PTPRU: variants seen among roughly 807,000 people sequenced by gnomAD.
PTPRU encodes the protein receptor-type tyrosine-protein phosphatase U.
Under a neutral mutation model 166.3 loss-of-function variants are expected in PTPRU, and 69 were observed. The ratio of observed to expected loss-of-function variants is 0.41; its 90% CI spans 0.34 to 0.51. PTPRU has a LOEUF of 0.51. Ranked by LOEUF, PTPRU falls within the 20% of genes least tolerant of loss-of-function variation. The probability of loss-of-function intolerance (pLI) is 0.09; values close to 1 mark genes in which losing one functional copy is unlikely to be tolerated. For synonymous variants in PTPRU, 793 were observed against 814.0 expected (o/e 0.97, Z 0.44); for missense variants, 1,657 against 2,013.7 (o/e 0.82, Z 3.39).
chr1:29,259,603 G>GT, intron 5 of PTPRU, 39 bp downstream of exon 5: 1 of 1,292,124 alleles, frequency 7.7e-7, no homozygotes, highest in Non-Finnish European at 1.1e-6. Flanking sequence ...GGCGGGGTGG[G>GT]AGGGGGTTGG....
Position 29,315,967 on chromosome 1 carries a change from C to T in PTPRU, c.3364-35C>T, listed in dbSNP as rs749371140. 3.7e-6 allele frequency: 6 copies of T among 1,610,318 alleles called. No homozygotes were observed. The highest frequency in any genetic ancestry group is 4.2e-6 in the Non-Finnish European group (5 of 1,177,684). On this transcript the variant is annotated intron_variant, in intron 23 of 29. Transcript: ENST00000373779. This position sits in a 1 kb window ranked among gnomAD's most constrained non-coding sequence, Gnocchi z 4.5. ...TCACCACAGATCTCCAGCTTCTAGG[C>T]CCCTCCTCGGCCTCATTCTCATCTC...
chr1:29,241,931 A>C (rs1387846113), intron 1 of PTPRU, among the ~76,000 whole-genome samples: 7 of 150,008 alleles, frequency 4.7e-5, no homozygotes, highest in African/African-American at 1.7e-4. Context: ...TCGCTTTGTC[A>C]CCCAGGCTGG....
chr1:29,284,468 T>C (rs2151954713), intron 13 of PTPRU, among the ~76,000 whole-genome samples: 1 of 152,258 alleles, frequency 6.6e-6, no homozygotes, highest in African/African-American at 2.4e-5. Flanking sequence ...CCCTATCCAC[T>C]GAGAGCTGGG....
rs1688408472 is a variant in PTPRU, at chr1:29,326,336, C to T, written c.*675C>T. On this transcript the variant is annotated 3_prime_UTR_variant, in exon 30 of 30. Coordinates refer to ENST00000373779, the MANE Select transcript of PTPRU (RefSeq NM_133178.4). ...CTGAACCAGGATCTGCCTATTACTG[C>T]TGTGCCCCATGGGGGGCTCCTTCCC... 1.3e-5 allele frequency: 2 copies of T among 156,200 alleles called. No individual in the cohort carries two copies. Among genetic ancestry groups the T allele is most frequent in the African/African-American group, 2.4e-5 (1 of 41,624 alleles). The allele number at this position is 156,200 out of a possible 1,614,324, so 9.7% of individuals were successfully genotyped here.
chr1:29,315,221 T>C lies in PTPRU; in HGVS notation c.3228-151T>C. 1 of 924,766 alleles carries C rather than the reference T, an allele frequency of 1.1e-6. No individual in the cohort carries two copies. The highest frequency in any genetic ancestry group is 2.4e-5 in the Admixed American group (1 of 42,480). 57.3% of individuals were successfully genotyped at this position (924,766 alleles called of 1,614,324 possible). A position where few individuals can be genotyped will look rare whatever the true frequency, so the allele number is the denominator to read the frequency against. ...GAGCTCTTCCATCCAGCAGCCTGCG[T>C]CCTGGCTCCTTACTCGGGGAGGGGC... On this transcript the variant is annotated intron_variant, in intron 22 of 29. Coordinates refer to ENST00000373779, the MANE Select transcript of PTPRU (RefSeq NM_133178.4). This position sits in a 1 kb window ranked among gnomAD's most constrained non-coding sequence, Gnocchi z 4.5.
At chr1:29,314,189 T>C (rs1687794074) in intron 22 of PTPRU, among the ~76,000 whole-genome samples, 1 of 152,180 alleles carries the variant, frequency 6.6e-6, no homozygotes, top group Non-Finnish European at 1.5e-5. Context: ...CTTAAGCTAT[T>C]ATGAGTAGTG....
chr1:29,238,263 G>A lies in PTPRU; in HGVS notation c.73+1546G>A, dbSNP rs1244614826. Among the ~76,000 whole-genome samples the A allele has an allele frequency of 6.6e-6, 1 of 151,890 alleles. No individual in the cohort carries two copies. The highest frequency in any genetic ancestry group is 1.5e-5 in the Non-Finnish European group (1 of 67,942). On this transcript the variant is annotated intron_variant, in intron 1 of 29. Transcript: ENST00000373779. The surrounding 1 kb of genome is among the most constrained non-coding windows in gnomAD (Gnocchi z 6.1). ...TCGGAGTGTGGACGGTGTGTCGGATGTGTGTGCGTGCGCGTGTTCCACATC... is the reference window on the plus strand; with the variant it reads ...TCGGAGTGTGGACGGTGTGTCGGATATGTGTGCGTGCGCGTGTTCCACATC...
intron 15 of PTPRU, among the ~76,000 whole-genome samples, chr1:29,296,516 T>C (rs1211767014): frequency 1.3e-4 from 20 of 151,556 alleles, no homozygotes; most frequent in Admixed American, 6.6e-4. Flanking sequence ...TTTTTTTTTT[T>C]TTTTCTTTTT....
intron 21 of PTPRU, among the ~76,000 whole-genome samples, chr1:29,312,183 C>T (rs1276784386): frequency 6.6e-6 from 1 of 152,196 alleles, no homozygotes; most frequent in African/African-American, 2.4e-5. Context: ...CTGTAAAGTC[C>T]TCAGAGGAAA....
At chr1:29,250,410 T>G (rs1173541863) in intron 1 of PTPRU, among the ~76,000 whole-genome samples, 1 of 152,232 alleles carries the variant, frequency 6.6e-6, no homozygotes, top group Non-Finnish European at 1.5e-5. Flanking sequence ...ATAGGAGGTT[T>G]AAGTCTGAGC....
intron 1 of PTPRU, among the ~76,000 whole-genome samples, chr1:29,252,729 G>A (rs1474529060): frequency 6.6e-6 from 1 of 152,210 alleles, no homozygotes; most frequent in Non-Finnish European, 1.5e-5. Flanking sequence ...CCCAGGTGCT[G>A]TTGTTTGGGA....
intron 7 of PTPRU, among the ~76,000 whole-genome samples, chr1:29,272,906 C>CAAAAAAAA (rs57076551): frequency 1.8e-5 from 1 of 54,658 alleles, no homozygotes; most frequent in Non-Finnish European, 3.8e-5. Flanking sequence ...GACCTTGTCT[C>CAAAAAAAA]AAAAAAAAAA....
chr1:29,309,548 G>A (rs1387278870), intron 18 of PTPRU, among the ~76,000 whole-genome samples: 2 of 152,100 alleles, frequency 1.3e-5, no homozygotes, highest in African/African-American at 2.4e-5. Context: ...TAAAATAGTA[G>A]TAGTAATAAT....
At chr1:29,269,232 ATATATATATATATATTTT>A in intron 7 of PTPRU, among the ~76,000 whole-genome samples, 1 of 30,956 alleles carries the variant, frequency 3.2e-5, no homozygotes, top group African/African-American at 9.5e-5. Context: ...ATATATATAT[ATATATATATATATATTTT>A]TTTTTTTTTT....
At chr1:29,252,416 C>T (rs1222910172) in intron 1 of PTPRU, among the ~76,000 whole-genome samples, 2 of 152,008 alleles carry the variant, frequency 1.3e-5, no homozygotes, top group Non-Finnish European at 2.9e-5. Flanking sequence ...TATAGGCATG[C>T]GCCACCACAC....
At chr1:29,283,568 G>GC (rs1407236930) in intron 12 of PTPRU, among the ~76,000 whole-genome samples, 1 of 152,084 alleles carries the variant, frequency 6.6e-6, no homozygotes, top group Non-Finnish European at 1.5e-5. Context: ...CCTCCCTGAA[G>GC]CCCCACCTTA....
chr1:29,252,325 G>A (rs915400149), intron 1 of PTPRU, among the ~76,000 whole-genome samples: 2 of 150,788 alleles, frequency 1.3e-5, no homozygotes, highest in South Asian at 2.1e-4. Context: ...TGGAGTGCAG[G>A]GGTACCATCT....
At position 29,310,727 on chromosome 1, in the gene PTPRU, C is replaced by T. The variant is rs371661945; in HGVS notation, c.2821-17C>T. On this transcript the variant is annotated splice_polypyrimidine_tract_variant and intron_variant, in intron 18 of 29. Coordinates refer to ENST00000373779, the MANE Select transcript of PTPRU (RefSeq NM_133178.4). ...CTACTCCCTGGGGTCTAACCGTGCC[C>T]TCTCCTCCTGTTCCAGGGTTACCAC... is the stretch of plus-strand genomic sequence containing the variant. 3 of 1,612,850 alleles carry T rather than the reference C, an allele frequency of 1.9e-6. No homozygotes were observed. Among genetic ancestry groups the T allele is most frequent in the African/African-American group, 1.3e-5 (1 of 74,854 alleles).
intron 7 of PTPRU, among the ~76,000 whole-genome samples, chr1:29,270,454 G>A (rs866933096): frequency 2.0e-5 from 3 of 151,984 alleles, no homozygotes; most frequent in Non-Finnish European, 4.4e-5. Context: ...CTACAGGCGC[G>A]CACCACCATG....
Sources: allele counts gnomAD v4.1 joint callset (sites outside exome capture counted in the v4.1 genomes callset), GRCh38; gene constraint gnomAD v4.1.1; non-coding constraint Gnocchi (gnomAD v3.1); transcripts MANE v1.5; gene names NCBI Gene and HGNC (gene_info 2026-07-23, HGNC 2026-07-21).